The following ALPK2 variants were observed in gnomAD, a reference collection of about 807,000 sequenced individuals.
ALPK2 encodes alpha-protein kinase 2.
Under a neutral mutation model 163.1 loss-of-function variants are expected in ALPK2, and 127 were observed. The ratio of observed to expected loss-of-function variants is 0.78; its 90% CI spans 0.67 to 0.90. The LOEUF (loss-of-function observed/expected upper bound fraction) is 0.90, where lower values mean the gene tolerates loss of function less well. Ranked by LOEUF, ALPK2 falls within the 40% of genes least tolerant of loss-of-function variation. The probability of loss-of-function intolerance (pLI) is 0.00; values close to 1 mark genes in which losing one functional copy is unlikely to be tolerated. For synonymous variants in ALPK2, 953 were observed against 959.1 expected (o/e 0.99, Z 0.12); for missense variants, 2,360 against 2,589.6 (o/e 0.91, Z 1.92).
intron 12 of ALPK2, among the ~76,000 whole-genome samples, chr18:58,484,621 G>A (rs532915808): frequency 6.6e-6 from 1 of 152,308 alleles, no homozygotes; most frequent in Non-Finnish European, 1.5e-5. Context: ...GCATGCGCCT[G>A]TAGTCCCAGC....
intron 11 of ALPK2, among the ~76,000 whole-genome samples, chr18:58,503,719 A>G (rs2051445647): frequency 6.6e-6 from 1 of 152,098 alleles, no homozygotes; most frequent in Admixed American, 6.6e-5. Context: ...TTTTTTAAAT[A>G]AAAATAAAAT....
intron 4 of ALPK2, among the ~76,000 whole-genome samples, chr18:58,552,257 C>G (rs981748809): frequency 5.3e-5 from 8 of 152,146 alleles, no homozygotes; most frequent in African/African-American, 1.9e-4. Flanking sequence ...TAGAGGCAGT[C>G]AATTGGAGGG....
chr18:58,582,587 A>G (rs1291762309), intron 3 of ALPK2, among the ~76,000 whole-genome samples: 2 of 152,100 alleles, frequency 1.3e-5, no homozygotes, highest in Admixed American at 6.6e-5. Context: ...AAACTGTGAA[A>G]TATTTAAAGA....
At chr18:58,484,084 A>C (rs894948691) in intron 12 of ALPK2, among the ~76,000 whole-genome samples, 2 of 152,160 alleles carry the variant, frequency 1.3e-5, no homozygotes, top group African/African-American at 4.8e-5. Flanking sequence ...CCCAACACCT[A>C]GTCCAGTGCT....
rs1251027140 is a variant in ALPK2 at position 58,536,937 on chromosome 18, G to A, written c.3250C>T (p.His1084Tyr). 6 of 1,614,214 alleles carry A rather than the reference G, an allele frequency of 3.7e-6. No individual in the cohort carries two copies. Among genetic ancestry groups the A allele is most frequent in the Non-Finnish European group, 5.1e-6 (6 of 1,180,036 alleles). The change falls in exon 5 of 13, where the codon CAC becomes TAC. Residue 1084 changes from histidine to tyrosine, a missense_variant. His to Tyr is a moderately conservative substitution (Grantham distance 83). Coordinates refer to ENST00000361673, the MANE Select transcript of ALPK2 (RefSeq NM_052947.4). ...CRAPSVPGVP[H>Y]HVLQLPEGEG... ...CCCTCTGGGAGCTGCAGGACATGGT[G>A]TGGGACTCCTGGCACACTGGGTGCC...
In ALPK2 at chr18:58,524,038, G is replaced by T; in HGVS notation, c.5526C>A (p.Ser1842=). The change falls in exon 7 of 13, where the codon TCC becomes TCA. Residue 1842 remains serine (S), a synonymous_variant. Transcript: ENST00000361673. The part of the protein sequence containing the change: ...QRSAGDNSTV[S]FAIVQASPKD... ...TCGGACTGGCTTGCACGATGGCAAA[G>T]GAAACAGTGGAGTTGTCCCCTGCAC... is the stretch of plus-strand genomic sequence containing the variant. 1 of 1,613,802 alleles carries T rather than the reference G, an allele frequency of 6.2e-7. No individual in the cohort carries two copies. The highest frequency in any genetic ancestry group is 8.5e-7 in the Non-Finnish European group (1 of 1,179,782).
intron 3 of ALPK2, among the ~76,000 whole-genome samples, chr18:58,600,052 T>TTTTTC: frequency 6.8e-6 from 1 of 146,428 alleles, no homozygotes; most frequent in Admixed American, 7.0e-5. Flanking sequence ...TTTTTTTTTT[T>TTTTTC]TTGAGACAGA....
intron 10 of ALPK2, among the ~76,000 whole-genome samples, chr18:58,511,085 T>C (rs1252893428): frequency 6.6e-6 from 1 of 152,248 alleles, no homozygotes; most frequent in African/African-American, 2.4e-5. Context: ...ATTGAGAGTT[T>C]TTAGCATGAA....
Position 58,579,449 on chromosome 18 carries a change from C to T in ALPK2, c.1327G>A (p.Val443Met). The T allele has an allele frequency of 6.2e-7, 1 of 1,614,178 alleles. No homozygotes were observed. Among genetic ancestry groups the T allele is most frequent in the Non-Finnish European group, 8.5e-7 (1 of 1,180,024 alleles). ...LGPHQDGTSS[V>M]TEQGRYKLPT... ...AGTTTATATCTCCCCTGTTCTGTCA[C>T]TGAAGACGTTCCATCCTGGTGAGGT... is the stretch of plus-strand genomic sequence containing the variant. The change falls in exon 4 of 13, where the codon GTG (valine) becomes ATG (methionine). Residue 443 changes from valine (V) to methionine (M), a missense_variant. Physicochemically the swap from Val to Met is conservative, Grantham distance 21. Transcript: ENST00000361673.
Position 58,611,752 on chromosome 18 carries a change from A to G in ALPK2, c.46T>C (p.Ser16Pro). Reference sequence around the variant, plus strand: ...GGAACCTTCTGGGAAAGCAATGTAGATAAAAAACACAGCGGGGGCCTCTGG... The same window carrying G: ...GGAACCTTCTGGGAAAGCAATGTAGGTAAAAAACACAGCGGGGGCCTCTGG... ...GPQRPPLCFL[S>P]TLLSQKVPEK... is the part of the protein sequence containing the mutation. The change falls in exon 2 of 13, where the codon TCT becomes CCT. Residue 16 changes from serine (S) to proline (P), a missense_variant. Transcript: ENST00000361673. The G allele has an allele frequency of 4.3e-6, 7 of 1,612,622 alleles. No individual in the cohort carries two copies. Among genetic ancestry groups the G allele is most frequent in the Non-Finnish European group, 5.9e-6 (7 of 1,179,486 alleles).
At chr18:58,624,449 C>CTTTTTTTTTTTTTTTTTTTTT (rs60271669) in intron 1 of ALPK2, among the ~76,000 whole-genome samples, 1 of 127,308 alleles carries the variant, frequency 7.9e-6, no homozygotes, top group African/African-American at 2.9e-5. Flanking sequence ...TGATTTCTTT[C>CTTTTTTTTTTTTTTTTTTTTT]TTTTTTTTTT....
In ALPK2 at chr18:58,536,538, T is replaced by C; in HGVS notation, c.3649A>G (p.Ile1217Val). The C allele has an allele frequency of 6.2e-7, 1 of 1,613,938 alleles. No homozygotes were observed. The highest frequency in any genetic ancestry group is 8.5e-7 in the Non-Finnish European group (1 of 1,180,014). The stretch of plus-strand genomic sequence containing the variant: ...TATTCTTTAGACTCTTCCAAAAGGA[T>C]ATCAGAGAGAGATGGAACGTTGCTC... Reference protein sequence around the residue: ...ALSNVPSLSDILLEESKEYRP... With the variant: ...ALSNVPSLSDVLLEESKEYRP... The change falls in exon 5 of 13, where the codon ATC becomes GTC. Residue 1217 changes from isoleucine to valine, a missense_variant. Coordinates refer to ENST00000361673, the MANE Select transcript of ALPK2 (RefSeq NM_052947.4).
chr18:58,493,522 T>C (rs1176686049), intron 12 of ALPK2, among the ~76,000 whole-genome samples: 1 of 152,142 alleles, frequency 6.6e-6, no homozygotes, highest in Admixed American at 6.5e-5. Flanking sequence ...CTTGTGGGCA[T>C]TGAAGGCAGA....
intron 3 of ALPK2, among the ~76,000 whole-genome samples, chr18:58,605,782 T>C (rs2144226072): frequency 6.6e-6 from 1 of 152,358 alleles, no homozygotes; most frequent in Non-Finnish European, 1.5e-5. Flanking sequence ...CAAATGCCAA[T>C]CCGGCTGTCT....
chr18:58,586,939 T>C (rs2051989942), intron 3 of ALPK2, among the ~76,000 whole-genome samples: 1 of 152,040 alleles, frequency 6.6e-6, no homozygotes, highest in South Asian at 2.1e-4. Flanking sequence ...TGCACATGCA[T>C]AAGGCTGTGA....
intron 4 of ALPK2, among the ~76,000 whole-genome samples, chr18:58,554,825 G>A (rs1185988089): frequency 1.3e-5 from 2 of 152,118 alleles, no homozygotes; most frequent in Non-Finnish European, 2.9e-5. Flanking sequence ...TAATCCCCAT[G>A]TATTGTGGGA....
chr18:58,580,786 C>T (rs763779372), intron 3 of ALPK2: 1 of 533,234 alleles, frequency 1.9e-6, no homozygotes, highest in South Asian at 2.4e-5. Flanking sequence ...AACGCTGCCT[C>T]AAATGGAAAA....
chr18:58,550,577 TATATCAGATACAA>T (rs2051751916), intron 4 of ALPK2, among the ~76,000 whole-genome samples: 51 of 149,792 alleles, frequency 3.4e-4, no homozygotes, highest in Middle Eastern at 3.4e-3. Flanking sequence ...TACCCTCATC[TATATCAGATACAA>T]CCCATCCCCA....
intron 3 of ALPK2, 121 bp from the exon 4 acceptor site, chr18:58,580,669 A>G (rs1166506447): frequency 1.0e-6 from 1 of 987,908 alleles, no homozygotes; most frequent in African/African-American, 1.6e-5. Flanking sequence ...GAGATCTGTG[A>G]TCTCCCTGGA....
Sources: allele counts gnomAD v4.1 joint callset (sites outside exome capture counted in the v4.1 genomes callset), GRCh38; gene constraint gnomAD v4.1.1; transcripts MANE v1.5; gene names NCBI Gene and HGNC (gene_info 2026-07-23, HGNC 2026-07-21).